Variants in FAM216A observed in about 807,000 individuals in gnomAD.
FAM216A encodes protein FAM216A.
In FAM216A, 26 loss-of-function variants were observed where a neutral mutation model predicts 37.6. The observed-to-expected ratio is 0.69, with a 90% CI of 0.51 to 0.96. FAM216A has a LOEUF of 0.96. Ranked by LOEUF, FAM216A falls within the 40% of genes least tolerant of loss-of-function variation. The pLI is 0.00. For missense variants in FAM216A, 326 were observed against 339.3 expected, an observed-to-expected ratio of 0.96 and a Z score of 0.31; for synonymous variants, 110 against 121.7, an observed-to-expected ratio of 0.90 and a Z score of 0.64.
At chr12:110,470,105 T>G in intron 1 of FAM216A, among the ~76,000 whole-genome samples, 1 of 149,700 alleles carries the variant, frequency 6.7e-6, no homozygotes, top group Non-Finnish European at 1.5e-5. Context: ...TCCTTTTTGT[T>G]TTTTTTTTTT....
chr12:110,472,459 T>C (rs183183864), intron 1 of FAM216A, among the ~76,000 whole-genome samples: 35 of 152,022 alleles, frequency 2.3e-4, no homozygotes, highest in Middle Eastern at 3.4e-3. Flanking sequence ...CCTGGCTACT[T>C]GGTGGCTGAG....
At chr12:110,472,862 G>A (rs1251737886) in intron 1 of FAM216A, among the ~76,000 whole-genome samples, 2 of 149,858 alleles carry the variant, frequency 1.3e-5, no homozygotes, top group African/African-American at 4.9e-5. Flanking sequence ...GCTAGTCCCA[G>A]CTACCTGGGA....
chr12:110,486,919 C>T (rs2062780713), intron 5 of FAM216A: 4 of 522,138 alleles, frequency 7.7e-6, no homozygotes, highest in African/African-American at 1.9e-5. Flanking sequence ...CCATGCCCTG[C>T]TAGTTAAAAA....
intron 2 of FAM216A, among the ~76,000 whole-genome samples, chr12:110,478,556 G>C (rs1162501278): frequency 1.3e-5 from 2 of 152,206 alleles, no homozygotes; most frequent in African/African-American, 4.8e-5. Context: ...GAAGCAGTTA[G>C]ATGTGAAAGG....
intron 6 of FAM216A, among the ~76,000 whole-genome samples, chr12:110,489,140 A>T (rs2062794749): frequency 6.6e-6 from 1 of 152,218 alleles, no homozygotes; most frequent in Admixed American, 6.5e-5. Context: ...TATTCCTCAG[A>T]ACTGATAATG....
rs1029507750 is a variant in FAM216A, at chr12:110,468,926, G to A, written c.51G>A (p.Glu17=). ...PHTARGLGAA[E]MPGQGPGSDW... is the part of the protein sequence containing the mutation. ...CGGCTCGCGGTCTCGGCGCCGCGGA[G>A]ATGCCCGGCCAGGGTCCGGGGTCCG... is the stretch of plus-strand genomic sequence containing the variant. The change falls in exon 1 of 7, where the codon GAG becomes GAA. Residue 17 remains glutamate, a synonymous_variant. Transcript: ENST00000377673. 1 of 1,523,654 alleles carries A rather than the reference G, an allele frequency of 6.6e-7. No individual in the cohort carries two copies. The highest frequency in any genetic ancestry group is 1.2e-5 in the South Asian group (1 of 83,476). The allele number at this position is 1,523,654 out of a possible 1,614,324, so 94.4% of individuals were successfully genotyped here. A position where few individuals can be genotyped will look rare whatever the true frequency, so the allele number is the denominator to read the frequency against.
chr12:110,482,663 C>T (rs1249157574), intron 2 of FAM216A, among the ~76,000 whole-genome samples: 3 of 151,160 alleles, frequency 2.0e-5, no homozygotes, highest in African/African-American at 7.3e-5. Context: ...GGCGCAGTGG[C>T]GGGCGCCTGT....
At chr12:110,488,806 CAT>C (rs2062792024) in intron 6 of FAM216A, among the ~76,000 whole-genome samples, 1 of 152,186 alleles carries the variant, frequency 6.6e-6, no homozygotes, top group African/African-American at 2.4e-5. Context: ...AAATTAGGCA[CAT>C]AAAGAGATTA....
At chr12:110,477,706 T>TTA (rs2062722435) in intron 2 of FAM216A, among the ~76,000 whole-genome samples, 2 of 151,044 alleles carry the variant, frequency 1.3e-5, no homozygotes, top group Non-Finnish European at 2.9e-5. Context: ...GCTAGAAATA[T>TTA]GTGCTTTTTC....
Position 110,490,167 on chromosome 12 carries a change from C to A in FAM216A, c.*30C>A. The A allele has an allele frequency of 9.2e-7, 1 of 1,087,380 alleles. No homozygotes were observed. Among genetic ancestry groups the A allele is most frequent in the Non-Finnish European group, 1.4e-6 (1 of 699,636 alleles). The allele number at this position is 1,087,380 out of a possible 1,614,324, so 67.4% of individuals were successfully genotyped here. On this transcript the variant is annotated 3_prime_UTR_variant, in exon 7 of 7. Coordinates refer to ENST00000377673, the MANE Select transcript of FAM216A (RefSeq NM_013300.3). ...CTTGTCTCGTGTATTGAATTCGTGC[C>A]AAAGGTGAGGGTAAGGGGTTGTGAG...
At chr12:110,486,171 A>G in intron 3 of FAM216A, 154 bp from the exon 4 acceptor site, 1 of 754,498 alleles carries the variant, frequency 1.3e-6, no homozygotes. Flanking sequence ...TTAATTGGCC[A>G]TTTCTTTCTC....
chr12:110,487,840 A>G (rs1325853901), intron 5 of FAM216A, 21 bp from the exon 6 acceptor site: 3 of 1,472,578 alleles, frequency 2.0e-6, no homozygotes, highest in Non-Finnish European at 2.8e-6. Context: ...GCTCCAACTA[A>G]GATACTTCCC....
intron 6 of FAM216A, among the ~76,000 whole-genome samples, chr12:110,489,639 G>T (rs980090666): frequency 2.6e-5 from 4 of 151,980 alleles, no homozygotes; most frequent in African/African-American, 4.8e-5. Flanking sequence ...GTTCCAAAAG[G>T]TACAGTTAGC....
intron 2 of FAM216A, among the ~76,000 whole-genome samples, chr12:110,483,843 A>G (rs947662212): frequency 2.0e-5 from 3 of 152,096 alleles, no homozygotes; most frequent in African/African-American, 7.2e-5. Flanking sequence ...AACAACAAAA[A>G]ATGAAATAAC....
chr12:110,480,145 C>G (rs1373483659), intron 2 of FAM216A, among the ~76,000 whole-genome samples: 1 of 149,768 alleles, frequency 6.7e-6, no homozygotes, highest in Admixed American at 6.7e-5. Flanking sequence ...CCTGCCTCAG[C>G]CTCCTGAGTA....
intron 1 of FAM216A, among the ~76,000 whole-genome samples, chr12:110,469,759 C>CT (rs1380041861): frequency 6.6e-6 from 1 of 152,044 alleles, no homozygotes; most frequent in Admixed American, 6.6e-5. Context: ...AGCCGCCCGC[C>CT]TCGGCCTCCC....
chr12:110,474,585 G>A (rs142298587), intron 2 of FAM216A, among the ~76,000 whole-genome samples: 312 of 149,090 alleles, frequency 2.1e-3, no homozygotes, highest in African/African-American at 7.3e-3. Context: ...CCAGCTACTC[G>A]GAAGGCTGAG....
At chr12:110,478,290 T>G (rs946715393) in intron 2 of FAM216A, among the ~76,000 whole-genome samples, 1 of 152,210 alleles carries the variant, frequency 6.6e-6, no homozygotes, top group African/African-American at 2.4e-5. Flanking sequence ...CACAAAACGT[T>G]GTACTGTCCC....
At chr12:110,489,408 G>A (rs989325365) in intron 6 of FAM216A, among the ~76,000 whole-genome samples, 3 of 151,858 alleles carry the variant, frequency 2.0e-5, no homozygotes, top group African/African-American at 7.3e-5. Context: ...GGAGGCTGAG[G>A]CAGGAGAATG....
Sources: gnomAD v4.1 joint callset for allele counts (sites outside exome capture counted in the v4.1 genomes callset) on GRCh38, gnomAD v4.1.1 for gene constraint, MANE v1.5 for transcripts, NCBI Gene and HGNC (gene_info 2026-07-23, HGNC 2026-07-21) for gene names.